ABCA10: variants seen among roughly 807,000 people sequenced by gnomAD.
ABCA10 encodes the protein ATP binding cassette subfamily A member 10, also known as ATP-binding cassette sub-family A member 10.
ABCA10 carries 169 observed loss-of-function variants against 187.5 expected under a neutral mutation model. The ratio of observed to expected loss-of-function variants is 0.90; its 90% CI spans 0.80 to 1.02. ABCA10 has a LOEUF of 1.02. Among genes scored for constraint, ABCA10 ranks in the 50% least tolerant of loss-of-function variants. The pLI, the probability that ABCA10 is intolerant of heterozygous loss-of-function variation, is 0.00. For missense variants in ABCA10, 1,727 were observed against 1,812.4 expected, an observed-to-expected ratio of 0.95 and a Z score of 0.86; for synonymous variants, 574 against 601.8, an observed-to-expected ratio of 0.95 and a Z score of 0.68.
intron 19 of ABCA10, among the ~76,000 whole-genome samples, chr17:69,186,036 G>C (rs923806504): frequency 6.6e-6 from 1 of 152,118 alleles, no homozygotes; most frequent in African/African-American, 2.4e-5. Context: ...GTGCACAATT[G>C]CAAGTAAAAT....
chr17:69,182,623 C>CA lies in ABCA10; in HGVS notation c.2631+51dup, dbSNP rs910052687. 4.2e-4 allele frequency: 633 copies of CA among 1,490,450 alleles called. 2 individuals carry two copies. Among genetic ancestry groups the CA allele is most frequent in the Middle Eastern group, 1.0e-3 (4 of 3,898 alleles). The allele number at this position is 1,490,450 out of a possible 1,614,324, so 92.3% of individuals were successfully genotyped here. On this transcript the variant is annotated intron_variant, in intron 21 of 38. Transcript: ENST00000690296. ...TATAGTTCTAAGTATTAGGACGTGG[C>CA]AAAAAAAACAAAAAAAAACCAAAAA...
chr17:69,209,920 T>A (rs1469100060), intron 9 of ABCA10, among the ~76,000 whole-genome samples: 1 of 152,134 alleles, frequency 6.6e-6, no homozygotes, highest in Admixed American at 6.6e-5. Flanking sequence ...AAATATGGGA[T>A]TATGATCTTC....
intron 20 of ABCA10, among the ~76,000 whole-genome samples, chr17:69,183,881 G>A (rs1242293244): frequency 6.6e-6 from 1 of 152,102 alleles, no homozygotes; most frequent in African/African-American, 2.4e-5. Context: ...GAATGATCAG[G>A]GAGTGCAGAT....
At chr17:69,204,314 CTG>C (rs1294896044) in intron 9 of ABCA10, among the ~76,000 whole-genome samples, 1 of 151,982 alleles carries the variant, frequency 6.6e-6, no homozygotes, top group African/African-American at 2.4e-5. Flanking sequence ...GGCTGGATAA[CTG>C]TTGTCAAATA....
chr17:69,165,193 A>G, intron 25 of ABCA10, 110 bp from the exon 26 acceptor site: 2 of 895,008 alleles, frequency 2.2e-6, no homozygotes, highest in South Asian at 1.8e-5. Context: ...TTCAACTTTT[A>G]CCTCACAGAT....
rs2074146505 is a variant in ABCA10, at chr17:69,153,458, G to A, written c.4041+13C>T. 2 of 1,613,946 alleles carry A rather than the reference G, an allele frequency of 1.2e-6. No homozygotes were observed. Among genetic ancestry groups the A allele is most frequent in the Non-Finnish European group, 1.7e-6 (2 of 1,180,002 alleles). On this transcript the variant is annotated intron_variant, in intron 33 of 38. Coordinates refer to ENST00000690296, the MANE Select transcript of ABCA10 (RefSeq NM_001377321.1). ...CCATGGGTGCACAGGGAAACCCCGA[G>A]CCTGGCCCATACCTTTCTCTTTATT...
In ABCA10 at chr17:69,148,373, G is replaced by A. The variant is rs1217549903; in HGVS notation, c.*454C>T. The A allele has an allele frequency of 1.3e-5, 2 of 154,826 alleles. No homozygotes were observed. Among genetic ancestry groups the A allele is most frequent in the Non-Finnish European group, 2.9e-5 (2 of 69,908 alleles). The allele number at this position is 154,826 out of a possible 1,614,324, so 9.6% of individuals were successfully genotyped here. A position where few individuals can be genotyped will look rare whatever the true frequency, so the allele number is the denominator to read the frequency against. On this transcript the variant is annotated 3_prime_UTR_variant, in exon 39 of 39. Coordinates refer to ENST00000690296, the MANE Select transcript of ABCA10 (RefSeq NM_001377321.1). Reference sequence around the variant, plus strand: ...GAATGTCATTATAATTAAATGTTATGCTGTGCCATTTCATCAGTTTATCAG... The same window carrying A: ...GAATGTCATTATAATTAAATGTTATACTGTGCCATTTCATCAGTTTATCAG...
Position 69,225,487 on chromosome 17 carries a change from A to C in ABCA10, c.-129T>G. The C allele has an allele frequency of 1.3e-6, 1 of 799,928 alleles. No individual in the cohort carries two copies. The highest frequency in any genetic ancestry group is 2.6e-5 in the Admixed American group (1 of 38,308). The allele number at this position is 799,928 out of a possible 1,614,324, so 49.6% of individuals were successfully genotyped here. The stretch of plus-strand genomic sequence containing the variant: ...CGGGTAGCTCTGAAGTGTTCCGAAA[A>C]GATGCACAAATATAGCCCTAGAAAC... On this transcript the variant is annotated 5_prime_UTR_variant, in exon 3 of 39. Coordinates refer to ENST00000690296, the MANE Select transcript of ABCA10 (RefSeq NM_001377321.1).
intron 27 of ABCA10, among the ~76,000 whole-genome samples, chr17:69,157,179 G>A (rs1225655376): frequency 6.6e-6 from 1 of 151,946 alleles, no homozygotes; most frequent in African/African-American, 2.4e-5. Context: ...GCATAGAAGA[G>A]CTAATAAAAT....
rs1442653168 is a variant in ABCA10 at position 69,193,950 on chromosome 17, G to C, written c.1385C>G (p.Thr462Ser). 2 of 1,609,614 alleles carry C rather than the reference G, an allele frequency of 1.2e-6. No individual in the cohort carries two copies. The highest frequency in any genetic ancestry group is 3.3e-5 in the Admixed American group (2 of 59,878). The change falls in exon 13 of 39, where the codon ACT (threonine) becomes AGT (serine). Residue 462 changes from threonine to serine, a missense_variant. Coordinates refer to ENST00000690296, the MANE Select transcript of ABCA10 (RefSeq NM_001377321.1). Reference sequence around the variant, plus strand: ...ATTCTTTCTAATTTCTTCCATGTCAGTTATTTCAGAGAGTTGAGTATTATA... The same window carrying C: ...ATTCTTTCTAATTTCTTCCATGTCACTTATTTCAGAGAGTTGAGTATTATA... ...TIYNTQLSEI[T>S]DMEEIRKNIG...
chr17:69,149,090 T>C lies in ABCA10; in HGVS notation c.4478-2A>G, dbSNP rs980284012. ...CCTCCAGGTTGAAGGTCTGTTTCAC[T>C]GCATGTAAAGAGACTGACATTAGTG... On this transcript the variant is annotated splice_acceptor_variant, in intron 37 of 38. Transcript: ENST00000690296. LOFTEE classifies it high-confidence loss of function. The C allele has an allele frequency of 6.2e-7, 1 of 1,613,936 alleles. No homozygotes were observed. Among genetic ancestry groups the C allele is most frequent in the South Asian group, 1.1e-5 (1 of 91,078 alleles).
chr17:69,233,851 G>A (rs1171198058), intron 1 of ABCA10: 2 of 152,210 alleles, frequency 1.3e-5, no homozygotes, highest in Non-Finnish European at 2.9e-5. Context: ...TGAGATTTAT[G>A]CAGCTTTCTA....
intron 16 of ABCA10, among the ~76,000 whole-genome samples, chr17:69,191,636 CAT>C (rs1472516163): frequency 1.4e-5 from 2 of 143,128 alleles, no homozygotes; most frequent in Non-Finnish European, 3.0e-5. Flanking sequence ...CATGCAAATA[CAT>C]GTGTATAAAA....
chr17:69,170,727 C>G (rs1034901392), intron 25 of ABCA10, among the ~76,000 whole-genome samples: 23 of 151,282 alleles, frequency 1.5e-4, no homozygotes, highest in African/African-American at 5.6e-4. Context: ...AACAACTGTC[C>G]CTTACATACA....
chr17:69,149,567 CCT>C (rs2144747930), intron 37 of ABCA10, among the ~76,000 whole-genome samples: 1 of 152,256 alleles, frequency 6.6e-6, no homozygotes, highest in South Asian at 2.1e-4. Flanking sequence ...TTCACTCAGT[CCT>C]CCAACTGTTG....
intron 1 of ABCA10, among the ~76,000 whole-genome samples, chr17:69,236,645 C>G (rs1236061860): frequency 1.3e-5 from 2 of 152,168 alleles, no homozygotes; most frequent in African/African-American, 2.4e-5. Context: ...TCCACTGACG[C>G]CTTTGGATAA....
At chr17:69,220,861 G>A (rs574301118) in intron 5 of ABCA10, among the ~76,000 whole-genome samples, 11 of 152,212 alleles carry the variant, frequency 7.2e-5, no homozygotes, top group South Asian at 6.2e-4. Flanking sequence ...TATCTACAGC[G>A]GCTTTCATAC....
chr17:69,202,038 C>T (rs1211228110), intron 9 of ABCA10, among the ~76,000 whole-genome samples: 1 of 152,198 alleles, frequency 6.6e-6, no homozygotes, highest in Admixed American at 6.5e-5. Flanking sequence ...CCACCTCGGC[C>T]TCCCAAAGTG....
intron 20 of ABCA10, 64 bp from the exon 21 acceptor site, chr17:69,182,872 C>G: frequency 6.6e-7 from 1 of 1,519,690 alleles, no homozygotes; most frequent in Non-Finnish European, 8.8e-7. Flanking sequence ...AAAGTCAAAG[C>G]TTAAAATAAT....
Sources: gnomAD v4.1 joint callset for allele counts (sites outside exome capture counted in the v4.1 genomes callset) on GRCh38, gnomAD v4.1.1 for gene constraint, MANE v1.5 for transcripts, NCBI Gene and HGNC (gene_info 2026-07-23, HGNC 2026-07-21) for gene names.